Variants in CADM2 observed in about 807,000 individuals in gnomAD.
CADM2 encodes the protein cell adhesion molecule 2, also known as immunoglobulin superfamily member 4D.
CADM2 carries 12 observed loss-of-function variants against 49.8 expected under a neutral mutation model. That is an observed-to-expected ratio of 0.24 (90% CI 0.15 to 0.39). The LOEUF (loss-of-function observed/expected upper bound fraction) is 0.39, where lower values mean the gene tolerates loss of function less well. Ranked by LOEUF, CADM2 falls within the 10% of genes least tolerant of loss-of-function variation. CADM2 has a pLI of 1.00. For synonymous variants in CADM2, 214 were observed against 175.4 expected (o/e 1.22, Z -1.74); for missense variants, 378 against 492.3 (o/e 0.77, Z 2.20).
intron 1 of CADM2, among the ~76,000 whole-genome samples, chr3:85,500,196 A>C (rs2040057559): frequency 1.3e-5 from 2 of 152,184 alleles, no homozygotes; most frequent in Non-Finnish European, 2.9e-5. Flanking sequence ...TTGGTGAACA[A>C]AATTGCATTA....
chr3:85,376,191 A>G (rs2033585212), intron 1 of CADM2, among the ~76,000 whole-genome samples: 1 of 152,138 alleles, frequency 6.6e-6, no homozygotes, highest in South Asian at 2.1e-4. Flanking sequence ...GTGTTTTGTC[A>G]TACACCTCTC....
chr3:85,305,175 A>G (rs964279150), intron 1 of CADM2, among the ~76,000 whole-genome samples: 1 of 151,660 alleles, frequency 6.6e-6, no homozygotes. Context: ...AATAGGAAAT[A>G]TGTTTTTAGT....
chr3:86,055,696 C>T (rs1316936136), intron 8 of CADM2, among the ~76,000 whole-genome samples: 5 of 152,042 alleles, frequency 3.3e-5, no homozygotes, highest in African/African-American at 1.2e-4. Context: ...TAATCACCTT[C>T]CAAAGGCTCC....
intron 2 of CADM2, among the ~76,000 whole-genome samples, chr3:85,769,333 A>G (rs983117845): frequency 1.0e-4 from 12 of 118,532 alleles, no homozygotes; most frequent in Admixed American, 2.0e-4. Flanking sequence ...TAGTATATAT[A>G]CACGTATATA....
chr3:85,539,528 G>T (rs926637565), intron 1 of CADM2, among the ~76,000 whole-genome samples: 1 of 151,818 alleles, frequency 6.6e-6, no homozygotes, highest in South Asian at 2.1e-4. Flanking sequence ...AGATGCTCTA[G>T]CTCTTTCATT....
intron 1 of CADM2, among the ~76,000 whole-genome samples, chr3:85,198,617 G>A (rs2041406807): frequency 6.6e-6 from 1 of 151,414 alleles, no homozygotes; most frequent in African/African-American, 2.4e-5. Flanking sequence ...TGTAGTTTCA[G>A]TTTCTTCAAA....
At chr3:85,891,855 CTTTA>C (rs372591327) in intron 5 of CADM2, among the ~76,000 whole-genome samples, 2 of 152,346 alleles carry the variant, frequency 1.3e-5, no homozygotes, top group African/African-American at 4.8e-5. Flanking sequence ...CAGCTAACAT[CTTTA>C]TTTAGCCAAG....
intron 1 of CADM2, among the ~76,000 whole-genome samples, chr3:85,297,575 A>C (rs1215913841): frequency 6.6e-6 from 1 of 151,732 alleles, no homozygotes; most frequent in Non-Finnish European, 1.5e-5. Context: ...TTTAAGGCAG[A>C]CTCCTAATAA....
chr3:85,687,770 A>G (rs2066258454), intron 1 of CADM2, among the ~76,000 whole-genome samples: 1 of 152,178 alleles, frequency 6.6e-6, no homozygotes. Flanking sequence ...CTATCCAGAG[A>G]TAGTTTTTTC....
chr3:86,056,678 G>T (rs1178522404), intron 8 of CADM2, among the ~76,000 whole-genome samples: 1 of 152,136 alleles, frequency 6.6e-6, no homozygotes, highest in Non-Finnish European at 1.5e-5. Context: ...TAATCACATT[G>T]CACTTACTGA....
intron 2 of CADM2, among the ~76,000 whole-genome samples, chr3:85,733,013 A>G (rs147817792): frequency 7.9e-5 from 12 of 152,348 alleles, no homozygotes; most frequent in Admixed American, 6.5e-4. Context: ...TAGGGATAAT[A>G]TAGCCTGATG....
chr3:85,160,586 A>C (rs568225205), intron 1 of CADM2, among the ~76,000 whole-genome samples: 2 of 152,116 alleles, frequency 1.3e-5, no homozygotes, highest in Non-Finnish European at 2.9e-5. Context: ...AAGTCCTCCT[A>C]TTCATGGTCC....
At chr3:85,253,566 A>T (rs1169717312) in intron 1 of CADM2, among the ~76,000 whole-genome samples, 1 of 152,012 alleles carries the variant, frequency 6.6e-6, no homozygotes, top group Non-Finnish European at 1.5e-5. Context: ...TCTGCCTATA[A>T]TGCATTTTCT....
chr3:85,560,141 G>A (rs1321761307), intron 1 of CADM2, among the ~76,000 whole-genome samples: 1 of 152,122 alleles, frequency 6.6e-6, no homozygotes, highest in Non-Finnish European at 1.5e-5. Context: ...GCCTGAGAAT[G>A]TCTTCACTCT....
intron 3 of CADM2, among the ~76,000 whole-genome samples, chr3:85,856,324 T>A (rs950829993): frequency 1.3e-5 from 2 of 152,200 alleles, no homozygotes; most frequent in African/African-American, 2.4e-5. Context: ...ACACATTCAA[T>A]AATTGTTTTA....
At chr3:85,813,755 A>G (rs2073033708) in intron 3 of CADM2, among the ~76,000 whole-genome samples, 1 of 151,820 alleles carries the variant, frequency 6.6e-6, no homozygotes, top group East Asian at 1.9e-4. Context: ...TTTTCTGTAT[A>G]TGGCTAGTCA....
At chr3:85,542,257 T>A (rs1250250972) in intron 1 of CADM2, among the ~76,000 whole-genome samples, 3 of 152,114 alleles carry the variant, frequency 2.0e-5, no homozygotes, top group Non-Finnish European at 2.9e-5. Flanking sequence ...AAAAGAGATA[T>A]CTTACTGCTA....
chr3:85,190,749 C>T (rs1209596098), intron 1 of CADM2, among the ~76,000 whole-genome samples: 1 of 152,146 alleles, frequency 6.6e-6, no homozygotes, highest in Non-Finnish European at 1.5e-5. Context: ...CTATGTGCTG[C>T]TGTCCTCAAC....
intron 1 of CADM2, among the ~76,000 whole-genome samples, chr3:85,688,530 C>CTTGGTGG (rs1254073905): frequency 2.7e-5 from 4 of 150,930 alleles, no homozygotes; most frequent in Non-Finnish European, 5.9e-5. Context: ...CTATAACCAC[C>CTTGGTGG]TTGGTGATAA....
Sources: gnomAD v4.1 joint callset for allele counts (sites outside exome capture counted in the v4.1 genomes callset) on GRCh38, gnomAD v4.1.1 for gene constraint, MANE v1.5 for transcripts, NCBI Gene and HGNC (gene_info 2026-07-23, HGNC 2026-07-21) for gene names.